Variants in TEC observed in about 807,000 individuals in gnomAD.
The protein encoded by TEC is tyrosine-protein kinase Tec.
A neutral mutation model predicts 93.0 loss-of-function variants in TEC; 72 were observed. The observed-to-expected ratio is 0.77, with a 90% CI of 0.64 to 0.94. The LOEUF is 0.94. TEC is among the 40% of genes least tolerant of loss of function. TEC has a pLI of 0.00. For missense variants in TEC, 630 were observed against 757.9 expected (o/e 0.83, Z 1.98); for synonymous variants, 249 against 247.7 (o/e 1.01, Z -0.05).
At chr4:48,144,375 G>A (rs1016043169) in intron 14 of TEC, among the ~76,000 whole-genome samples, 12 of 152,086 alleles carry the variant, frequency 7.9e-5, no homozygotes, top group Non-Finnish European at 1.6e-4. Flanking sequence ...CAGTGCTACC[G>A]ATATGCTGAA....
At position 48,156,597 on chromosome 4, in the gene TEC, AAGAG is replaced by A. The variant is rs1720411754; in HGVS notation, c.792+79_792+82del. 8 of 1,252,264 alleles carry A rather than the reference AAGAG, an allele frequency of 6.4e-6. No homozygotes were observed. The African/African-American group carries it at 9.2e-5, about 14-fold the overall frequency. The allele number at this position is 1,252,264 out of a possible 1,614,324, so 77.6% of individuals were successfully genotyped here. On this transcript the variant is annotated intron_variant, in intron 9 of 17. Transcript: ENST00000381501. Reference sequence around the variant, plus strand: ...TTGCTCACTGCTGAACACATTTAGAAAGAGAGATATGTGGAACTACTTATTATGG... The same window carrying A: ...TTGCTCACTGCTGAACACATTTAGAAAGATATGTGGAACTACTTATTATGG...
In TEC at chr4:48,135,950, C is replaced by A. The variant is rs951240792; in HGVS notation, c.*1466G>T. 1.1e-4 allele frequency: 16 copies of A among 151,394 alleles called. No individual in the cohort carries two copies. Among genetic ancestry groups the A allele is most frequent in the Admixed American group, 2.6e-4 (4 of 15,194 alleles). 9.4% of individuals were successfully genotyped at this position (151,394 alleles called of 1,614,324 possible). A position where few individuals can be genotyped will look rare whatever the true frequency, so the allele number is the denominator to read the frequency against. The stretch of plus-strand genomic sequence containing the variant: ...TGAAGGCGCTGCCCAGAGCAGCCAG[C>A]CTGTGTGTTCACCCAATGCTCCAGA... On this transcript the variant is annotated 3_prime_UTR_variant, in exon 18 of 18. Coordinates refer to ENST00000381501, the MANE Select transcript of TEC (RefSeq NM_003215.3).
At chr4:48,142,366 T>C (rs1719714629) in intron 14 of TEC, among the ~76,000 whole-genome samples, 1 of 152,050 alleles carries the variant, frequency 6.6e-6, no homozygotes, top group South Asian at 2.1e-4. Flanking sequence ...ACCAGCTACC[T>C]AGGACTGGAG....
chr4:48,218,101 T>C (rs191071096), intron 2 of TEC, among the ~76,000 whole-genome samples: 3 of 151,288 alleles, frequency 2.0e-5, no homozygotes, highest in African/African-American at 4.9e-5. Context: ...TCTAGGAGAG[T>C]AGAATAAAAA....
intron 2 of TEC, among the ~76,000 whole-genome samples, chr4:48,192,147 C>CT (rs1338297339): frequency 6.6e-6 from 1 of 152,114 alleles, no homozygotes; most frequent in Admixed American, 6.5e-5. Flanking sequence ...GTGGTATAGC[C>CT]ATACAATGGA....
intron 1 of TEC, among the ~76,000 whole-genome samples, chr4:48,241,129 A>T (rs1166290536): frequency 1.3e-5 from 2 of 152,198 alleles, no homozygotes; most frequent in African/African-American, 4.8e-5. Context: ...CTGAGGAAGT[A>T]AATTGATAAT....
intron 1 of TEC, among the ~76,000 whole-genome samples, chr4:48,230,301 A>G (rs1315192878): frequency 6.6e-6 from 1 of 151,678 alleles, no homozygotes; most frequent in African/African-American, 2.4e-5. Flanking sequence ...AGGCCCCTCC[A>G]TTTTCTATAA....
intron 9 of TEC, among the ~76,000 whole-genome samples, chr4:48,152,936 T>C (rs897703061): frequency 1.3e-5 from 2 of 152,188 alleles, no homozygotes; most frequent in Admixed American, 1.3e-4. Flanking sequence ...AATAGAATAC[T>C]AAATCAGAAA....
intron 10 of TEC, among the ~76,000 whole-genome samples, chr4:48,149,945 C>CA (rs2109515451): frequency 1.3e-5 from 2 of 152,328 alleles, no homozygotes; most frequent in African/African-American, 4.8e-5. Flanking sequence ...TTCCATTTAA[C>CA]AACAGTTGGA....
intron 2 of TEC, among the ~76,000 whole-genome samples, chr4:48,207,644 C>T (rs1321949285): frequency 4.7e-5 from 7 of 148,840 alleles, no homozygotes; most frequent in South Asian, 2.1e-4. Flanking sequence ...AAAAATTAGC[C>T]GTGCGTGGTG....
chr4:48,225,614 T>TAGA (rs1723427660), intron 2 of TEC, among the ~76,000 whole-genome samples: 1 of 152,168 alleles, frequency 6.6e-6, no homozygotes, highest in Non-Finnish European at 1.5e-5. Context: ...TGGCCATGCC[T>TAGA]AGAAGCCAGG....
At chr4:48,247,456 C>T (rs2109664289) in intron 1 of TEC, among the ~76,000 whole-genome samples, 1 of 152,332 alleles carries the variant, frequency 6.6e-6, no homozygotes, top group Admixed American at 6.5e-5. Context: ...GGCAGTACTA[C>T]TCACAACAGC....
chr4:48,212,110 A>AAAAAAAAAAAAATAT, intron 2 of TEC, among the ~76,000 whole-genome samples: 83 of 122,224 alleles, frequency 6.8e-4, no homozygotes, highest in Admixed American at 6.3e-3. Context: ...AAAAAAAAAA[A>AAAAAAAAAAAAATAT]ATATATATAT....
At chr4:48,176,545 ACCCCCAT>A (rs1721334403) in intron 2 of TEC, among the ~76,000 whole-genome samples, 1 of 151,906 alleles carries the variant, frequency 6.6e-6, no homozygotes, top group Admixed American at 6.6e-5. Flanking sequence ...ACATGGCAAA[ACCCCCAT>A]CTCTATTAAA....
intron 10 of TEC, 63 bp from the exon 11 acceptor site, chr4:48,149,753 G>A (rs1720079421): frequency 6.6e-7 from 1 of 1,517,242 alleles, no homozygotes; most frequent in Non-Finnish European, 8.8e-7. Context: ...TTCTTAAGAT[G>A]TTTTCTACAA....
In TEC at chr4:48,167,850, A is replaced by C. The variant is rs1432122009; in HGVS notation, c.599T>G (p.Leu200Ter). 1.9e-6 allele frequency: 3 copies of C among 1,613,912 alleles called. No homozygotes were observed. Among genetic ancestry groups the C allele is most frequent in the Non-Finnish European group, 1.7e-6 (2 of 1,179,910 alleles). Reference sequence around the variant, plus strand: ...AATGAGATACTCTTGGCCTCTCTCTAATCTGAGATCATGTCCTTCTGCTGC... The same window carrying C: ...AATGAGATACTCTTGGCCTCTCTCTCATCTGAGATCATGTCCTTCTGCTGC... ...FQAAEGHDLR[L>*]ERGQEYLILE... The change falls in exon 7 of 18, where the codon TTA (leucine) becomes TGA (stop). Residue 200 changes from leucine (L) to a stop codon, truncating the protein, a stop_gained. Coordinates refer to ENST00000381501, the MANE Select transcript of TEC (RefSeq NM_003215.3). LOFTEE classifies it high-confidence loss of function.
chr4:48,204,966 C>A (rs1722655428), intron 2 of TEC, among the ~76,000 whole-genome samples: 1 of 152,130 alleles, frequency 6.6e-6, no homozygotes, highest in South Asian at 2.1e-4. Flanking sequence ...TCTTGGAGAT[C>A]CCCACCCCTG....
intron 1 of TEC, among the ~76,000 whole-genome samples, chr4:48,246,630 T>A (rs1724065093): frequency 6.6e-6 from 1 of 152,208 alleles, no homozygotes; most frequent in African/African-American, 2.4e-5. Context: ...TGTGGTCAAT[T>A]ATTTTTGACC....
Position 48,145,580 on chromosome 4 carries a change from C to T in TEC, c.1082-1G>A. 1 of 1,613,888 alleles carries T rather than the reference C, an allele frequency of 6.2e-7. No homozygotes were observed. On this transcript the variant is annotated splice_acceptor_variant, in intron 12 of 17. Transcript: ENST00000381501. LOFTEE classifies it high-confidence loss of function. Reference sequence around the variant, plus strand: ...TCTGAAGGGTTAATCTCCCATTTCTCTGCAGGACAGAAAGTGAAAGTGTTC... The same window carrying T: ...TCTGAAGGGTTAATCTCCCATTTCTTTGCAGGACAGAAAGTGAAAGTGTTC...
Sources: allele counts gnomAD v4.1 joint callset (sites outside exome capture counted in the v4.1 genomes callset), GRCh38; gene constraint gnomAD v4.1.1; transcripts MANE v1.5; gene names NCBI Gene and HGNC (gene_info 2026-07-23, HGNC 2026-07-21).